The following SLC1A6 variants were observed in gnomAD, a reference collection of about 807,000 sequenced individuals.
SLC1A6 encodes the protein solute carrier family 1 member 6.
In SLC1A6, 15 loss-of-function variants were observed where a neutral mutation model predicts 42.1. That is an observed-to-expected ratio of 0.36 (90% CI 0.24 to 0.55). The LOEUF (loss-of-function observed/expected upper bound fraction) is 0.55, where lower values mean the gene tolerates loss of function less well. SLC1A6 is among the 20% of genes least tolerant of loss of function. SLC1A6 has a pLI of 0.88. For synonymous variants in SLC1A6, 317 were observed against 319.7 expected (o/e 0.99, Z 0.09); for missense variants, 542 against 772.5 (o/e 0.70, Z 3.54).
exon 1 of SLC1A6, chr19:15,010,492 C>A (rs969818628): frequency 5.5e-6 from 3 of 547,992 alleles, no homozygotes; most frequent in South Asian, 3.1e-5. Context: ...TACCGACATG[C>A]GACAGAGTGT....
intron 1 of SLC1A6, among the ~76,000 whole-genome samples, chr19:14,984,951 G>A (rs957740153): frequency 3.3e-5 from 5 of 151,600 alleles, no homozygotes; most frequent in Non-Finnish European, 4.4e-5. Flanking sequence ...GTGTGATCTC[G>A]GCTCACTGCA....
chr19:14,995,020 C>T (rs1179425419), intron 1 of SLC1A6, among the ~76,000 whole-genome samples: 1 of 152,048 alleles, frequency 6.6e-6, no homozygotes, highest in Non-Finnish European at 1.5e-5. Context: ...AAATGTTGAA[C>T]TCATAGAAAA....
chr19:14,989,584 A>T (rs1600030640), intron 1 of SLC1A6, among the ~76,000 whole-genome samples: 1 of 152,000 alleles, frequency 6.6e-6, no homozygotes, highest in Non-Finnish European at 1.5e-5. Context: ...AAGAAAAAAG[A>T]TAAGTGGTCA....
At chr19:14,975,767 GAAAAA>G (rs113839284) in intron 1 of SLC1A6, among the ~76,000 whole-genome samples, 115 of 129,912 alleles carry the variant, frequency 8.9e-4, no homozygotes, top group South Asian at 1.5e-3. Flanking sequence ...AAAAAAAAAG[GAAAAA>G]AAAAAAAGAA....
chr19:14,993,614 A>G (rs919056046), intron 1 of SLC1A6, among the ~76,000 whole-genome samples: 4 of 152,224 alleles, frequency 2.6e-5, no homozygotes, highest in Non-Finnish European at 5.9e-5. Flanking sequence ...TGAGGCCTGC[A>G]TGCAAGGGGT....
At chr19:15,005,572 G>T (rs138112420) in intron 1 of SLC1A6, among the ~76,000 whole-genome samples, 2 of 152,078 alleles carry the variant, frequency 1.3e-5, no homozygotes, top group Non-Finnish European at 2.9e-5. Context: ...TATCAGGCTA[G>T]AGAAGTGTCC....
At chr19:14,972,014 A>C in intron 2 of SLC1A6, 140 bp from the exon 3 acceptor site, 1 of 728,834 alleles carries the variant, frequency 1.4e-6, no homozygotes, top group South Asian at 1.8e-5. Context: ...TTGTGTGTGC[A>C]CTGATGTGTG....
chr19:15,003,674 AG>A (rs373988781), intron 1 of SLC1A6, among the ~76,000 whole-genome samples: 7,921 of 117,130 alleles, frequency 0.068, 333 homozygotes, highest in South Asian at 0.27. Flanking sequence ...AAAAAAAAAA[AG>A]AAAGAAAAGA....
chr19:14,988,600 C>T (rs1415060713), intron 1 of SLC1A6, among the ~76,000 whole-genome samples: 2 of 152,156 alleles, frequency 1.3e-5, no homozygotes, highest in Non-Finnish European at 2.9e-5. Flanking sequence ...TCACCTAATA[C>T]CTGTCAGAAT....
chr19:14,991,302 T>C (rs866925091), intron 1 of SLC1A6, among the ~76,000 whole-genome samples: 15 of 152,212 alleles, frequency 9.9e-5, no homozygotes, highest in South Asian at 6.2e-4. Context: ...AGGTGATAGT[T>C]ACAGGACACT....
At chr19:14,964,421 T>C in intron 4 of SLC1A6, 60 bp from the exon 5 acceptor site, 4 of 1,347,750 alleles carry the variant, frequency 3.0e-6, no homozygotes, top group South Asian at 2.3e-5. Context: ...TCTAGGGTGA[T>C]AACAGTAATA....
intron 1 of SLC1A6, among the ~76,000 whole-genome samples, chr19:14,994,027 G>A (rs551276504): frequency 6.6e-6 from 1 of 152,218 alleles, no homozygotes; most frequent in South Asian, 2.1e-4. Flanking sequence ...CAGAACATTT[G>A]CTTCTCTCAA....
intron 1 of SLC1A6, among the ~76,000 whole-genome samples, chr19:15,003,898 G>A (rs1319570305): frequency 6.6e-6 from 1 of 152,182 alleles, no homozygotes; most frequent in Non-Finnish European, 1.5e-5. Context: ...GTTCATGCCT[G>A]TAATCCTAGC....
chr19:14,999,157 C>T lies in SLC1A6; in HGVS notation c.6+11328G>A, dbSNP rs544659406. Among the ~76,000 whole-genome samples the T allele has an allele frequency of 5.3e-5, 8 of 152,202 alleles. No homozygotes were observed. The East Asian group carries it at 1.2e-3, about 22-fold the overall frequency. On this transcript the variant is annotated intron_variant, in intron 1 of 8. Coordinates refer to the SLC1A6 transcript ENST00000430939. ...CCTCCCAAAGTGCTGGGATTACAGG[C>T]GTGAGCCACCATGCCCGGCCAAGAA...
chr19:14,991,506 C>G (rs2145232379), intron 1 of SLC1A6, among the ~76,000 whole-genome samples: 1 of 151,810 alleles, frequency 6.6e-6, no homozygotes, highest in Non-Finnish European at 1.5e-5. Flanking sequence ...ACATGTAATC[C>G]CAGCTACTCA....
intron 1 of SLC1A6, among the ~76,000 whole-genome samples, chr19:15,010,183 G>GA (rs34036436): frequency 0.27 from 19,359 of 72,960 alleles, 1,900 homozygotes; most frequent in East Asian, 0.36. Flanking sequence ...AAGACTCTAT[G>GA]AAAAAAAAAA....
chr19:14,981,656 C>T (rs111586720), upstream of SLC1A6, among the ~76,000 whole-genome samples: 780 of 152,308 alleles, frequency 5.1e-3, 7 homozygotes, highest in African/African-American at 0.018. Context: ...CAACAGAGCC[C>T]TCGGTCTGTC....
chr19:14,982,991 T>C (rs1202679438), upstream of SLC1A6, among the ~76,000 whole-genome samples: 1 of 152,242 alleles, frequency 6.6e-6, no homozygotes, highest in East Asian at 1.9e-4. Flanking sequence ...CTTTAATGGC[T>C]ACCTTCATCA....
chr19:15,005,213 TG>T (rs1217387784), intron 1 of SLC1A6, among the ~76,000 whole-genome samples: 1 of 146,628 alleles, frequency 6.8e-6, no homozygotes, highest in Non-Finnish European at 1.5e-5. Context: ...TGAGCCATGA[TG>T]GTACCACTGT....
Sources: allele counts gnomAD v4.1 joint callset (sites outside exome capture counted in the v4.1 genomes callset), GRCh38; gene constraint gnomAD v4.1.1; transcripts MANE v1.5; gene names NCBI Gene and HGNC (gene_info 2026-07-23, HGNC 2026-07-21).